Variants in CIDEB observed in about 807,000 individuals in gnomAD.
CIDEB encodes lipid transferase CIDEB.
Under a neutral mutation model 22.4 loss-of-function variants are expected in CIDEB, and 27 were observed. The observed-to-expected ratio is 1.21, with a 90% CI of 0.89 to 1.66. The LOEUF (loss-of-function observed/expected upper bound fraction) is 1.66. Among genes scored for constraint, CIDEB ranks in the 40% most tolerant of loss-of-function variants. The pLI, the probability that CIDEB is intolerant of heterozygous loss-of-function variation, is 0.00. For synonymous variants in CIDEB, 103 were observed against 109.5 expected (o/e 0.94, Z 0.37); for missense variants, 289 against 268.7 (o/e 1.08, Z -0.53).
At position 24,306,003 on chromosome 14, in the gene CIDEB, G is replaced by A. The variant is rs367645614; in HGVS notation, c.471C>T (p.Tyr157=). 3.0e-5 allele frequency: 48 copies of A among 1,614,060 alleles called. No homozygotes were observed. The African/African-American group carries it at 3.2e-4, about 11-fold the overall frequency. Residue 157 remains tyrosine (Y), a synonymous_variant, in exon 4 of 5, where the codon TAC becomes TAT. Transcript: ENST00000554411. Reference sequence around the variant, plus strand: ...AGTCACAACTCATAGAGTAGAGCCCGTAGAATGTGGCTTTGACATTCAGGC... The same window carrying A: ...AGTCACAACTCATAGAGTAGAGCCCATAGAATGTGGCTTTGACATTCAGGC... ...FGSLNVKATF[Y]GLYSMSCDFQ... is the part of the protein sequence containing the mutation.
Position 24,307,405 on chromosome 14 carries a change from AG to A in CIDEB, c.151del (p.Leu51Ter). On this transcript the variant is annotated frameshift_variant, in exon 2 of 5. Transcript: ENST00000554411. LOFTEE classifies it high-confidence loss of function. ...CDHKRTIRKG[L>X]TAATRQELLA... Reference sequence around the variant, plus strand: ...CAGCTCCTGGCGGGTGGCAGCTGTCAGGCCTTTCCGGATGGTCCGCTTGTGA... The same window carrying A: ...CAGCTCCTGGCGGGTGGCAGCTGTCAGCCTTTCCGGATGGTCCGCTTGTGA... 6.2e-7 allele frequency: 1 copy of A among 1,613,880 alleles called. No homozygotes were observed. Among genetic ancestry groups the A allele is most frequent in the South Asian group, 1.1e-5 (1 of 91,068 alleles).
At position 24,307,408 on chromosome 14, in the gene CIDEB, C is replaced by T. The variant is rs758208237; in HGVS notation, c.149G>A (p.Gly50Asp). 6.2e-7 allele frequency: 1 copy of T among 1,613,890 alleles called. No homozygotes were observed. Among genetic ancestry groups the T allele is most frequent in the East Asian group, 2.2e-5 (1 of 44,868 alleles). The change falls in exon 2 of 5, where the codon GGC becomes GAC. Residue 50 changes from glycine to aspartate, a missense_variant. Physicochemically the swap from Gly to Asp is moderately conservative, Grantham distance 94. Coordinates refer to ENST00000554411, the MANE Select transcript of CIDEB (RefSeq NM_001393339.1). ...CTCCTGGCGGGTGGCAGCTGTCAGG[C>T]CTTTCCGGATGGTCCGCTTGTGATC... ...VCDHKRTIRK[G>D]LTAATRQELL...
upstream of CIDEB, chr14:24,308,214 G>T (rs1426555532): frequency 6.4e-6 from 2 of 310,484 alleles, no homozygotes; most frequent in Non-Finnish European, 6.2e-6. Flanking sequence ...AATTTCTGGG[G>T]ACGGTTTCTG....
rs745558177 is a variant in CIDEB, at chr14:24,307,339, G to C, written c.186+32C>G. On this transcript the variant is annotated intron_variant, in intron 2 of 4. Coordinates refer to ENST00000554411, the MANE Select transcript of CIDEB (RefSeq NM_001393339.1). ...GTTGTGGAGCCCCTTGGCTACCCCT[G>C]CTATAGGAACCGAGGAACTTGGCCT... 5 of 1,598,334 alleles carry C rather than the reference G, an allele frequency of 3.1e-6. No individual in the cohort carries two copies. The South Asian group carries it at 5.6e-5, about 18-fold the overall frequency.
At chr14:24,306,348 A>C (rs779941989) in intron 3 of CIDEB, 26 bp downstream of exon 3, 2 of 1,613,978 alleles carry the variant, frequency 1.2e-6, no homozygotes, top group Non-Finnish European at 1.7e-6. Context: ...CAGGCATTGG[A>C]AGCAGCCCCA....
At chr14:24,311,314 G>C, upstream of CIDEB, 1 of 1,596,054 alleles carries the variant, frequency 6.3e-7, no homozygotes, top group Non-Finnish European at 8.5e-7. Context: ...GGCTCCGGGC[G>C]GCACGGGGCG....
At chr14:24,310,427 G>T (rs2139167862), upstream of CIDEB, 1 of 664,716 alleles carries the variant, frequency 1.5e-6, no homozygotes, top group East Asian at 2.7e-5. Flanking sequence ...TGGGAAGGAG[G>T]CCAGGAGTGG....
chr14:24,306,707 G>C (rs2041520924), intron 2 of CIDEB, 184 bp from the exon 3 acceptor site: 2 of 664,460 alleles, frequency 3.0e-6, no homozygotes, highest in Non-Finnish European at 5.1e-6. Context: ...ATCCTAGCTA[G>C]AGGCTGACCT....
chr14:24,305,394 C>T lies in CIDEB; in HGVS notation c.*239G>A. ...GGGGGACATCTTGATCTTGGCCTTT[C>T]AGGGCAAGTGGGAGGCCAGAAAGGT... On this transcript the variant is annotated 3_prime_UTR_variant, in exon 5 of 5. Coordinates refer to ENST00000554411, the MANE Select transcript of CIDEB (RefSeq NM_001393339.1). The T allele has an allele frequency of 6.8e-6, 4 of 587,456 alleles. No homozygotes were observed. Among genetic ancestry groups the T allele is most frequent in the Non-Finnish European group, 8.5e-6 (3 of 353,274 alleles). The allele number at this position is 587,456 out of a possible 1,614,324, so 36.4% of individuals were successfully genotyped here.
At chr14:24,309,709 G>T (rs913026659), upstream of CIDEB, 4 of 152,434 alleles carry the variant, frequency 2.6e-5, no homozygotes, top group African/African-American at 9.6e-5. Flanking sequence ...ACAGCCCGGT[G>T]AGAGCCCTGA....
chr14:24,310,888 C>T (rs1004288668), upstream of CIDEB: 2 of 1,592,778 alleles, frequency 1.3e-6, no homozygotes, highest in Non-Finnish European at 8.5e-7. Flanking sequence ...CTGCTGCTCA[C>T]GCCGCTCTTT....
In CIDEB at chr14:24,306,027, G is replaced by A; in HGVS notation, c.447C>T (p.Ser149=). ...YKQNPRDLFG[S]LNVKATFYGL... is the part of the protein sequence containing the mutation. ...CGTAGAATGTGGCTTTGACATTCAG[G>A]CTGCCAAAGAGGTCTCGAGGGTTTT... The change falls in exon 4 of 5, where the codon AGC becomes AGT. Residue 149 remains serine (S), a synonymous_variant. Coordinates refer to ENST00000554411, the MANE Select transcript of CIDEB (RefSeq NM_001393339.1). 3.1e-6 allele frequency: 5 copies of A among 1,614,158 alleles called. No individual in the cohort carries two copies. Among genetic ancestry groups the A allele is most frequent in the Non-Finnish European group, 4.2e-6 (5 of 1,180,024 alleles).
At position 24,305,537 on chromosome 14, in the gene CIDEB, T is replaced by C; in HGVS notation, c.*96A>G. 1 of 1,470,656 alleles carries C rather than the reference T, an allele frequency of 6.8e-7. No individual in the cohort carries two copies. The highest frequency in any genetic ancestry group is 9.1e-7 in the Non-Finnish European group (1 of 1,094,118). The allele number at this position is 1,470,656 out of a possible 1,614,324, so 91.1% of individuals were successfully genotyped here. The stretch of plus-strand genomic sequence containing the variant: ...CAGTGGGGAAATTGGGTGGGTTATC[T>C]AGCCTGTACTGTCTGCAGGTCCTGA... On this transcript the variant is annotated 3_prime_UTR_variant, in exon 5 of 5. Transcript: ENST00000554411.
At chr14:24,306,299 G>A in intron 3 of CIDEB, 75 bp downstream of exon 3, 2 of 1,593,538 alleles carry the variant, frequency 1.3e-6, no homozygotes, top group South Asian at 1.1e-5. Context: ...CCAGGATCAG[G>A]GTTAAGCTAG....
At position 24,306,008 on chromosome 14, in the gene CIDEB, ATG is replaced by A. The variant is rs774843620; in HGVS notation, c.464_465del (p.Thr155IlefsTer10). 1 of 1,614,156 alleles carries A rather than the reference ATG, an allele frequency of 6.2e-7. No homozygotes were observed. ...DLFGSLNVKATFYGLYSMSCD... is the reference protein window; with the variant it reads ...DLFGSLNVKAXFYGLYSMSCD... ...CAACTCATAGAGTAGAGCCCGTAGA[ATG>A]TGGCTTTGACATTCAGGCTGCCAAA... On this transcript the variant is annotated frameshift_variant, in exon 4 of 5. Coordinates refer to ENST00000554411, the MANE Select transcript of CIDEB (RefSeq NM_001393339.1). LOFTEE classifies it high-confidence loss of function.
chr14:24,307,903 TTC>T lies in CIDEB; in HGVS notation c.-47_-46del. 6.5e-7 allele frequency: 1 copy of T among 1,529,130 alleles called. No homozygotes were observed. The highest frequency in any genetic ancestry group is 8.9e-7 in the Non-Finnish European group (1 of 1,122,386). The allele number at this position is 1,529,130 out of a possible 1,614,324, so 94.7% of individuals were successfully genotyped here. A position where few individuals can be genotyped will look rare whatever the true frequency, so the allele number is the denominator to read the frequency against. Reference sequence around the variant, plus strand: ...TCCCTGGAACTTCTGGGCTGGGTGGTTCTCTCCTGTGCTGGGGCTTTAGTGGT... The same window carrying T: ...TCCCTGGAACTTCTGGGCTGGGTGGTTCTCCTGTGCTGGGGCTTTAGTGGT... On this transcript the variant is annotated 5_prime_UTR_variant, in exon 1 of 5. Coordinates refer to ENST00000554411, the MANE Select transcript of CIDEB (RefSeq NM_001393339.1).
At position 24,305,443 on chromosome 14, in the gene CIDEB, C is replaced by T; in HGVS notation, c.*190G>A. The T allele has an allele frequency of 1.5e-6, 1 of 676,192 alleles. No homozygotes were observed. The highest frequency in any genetic ancestry group is 3.5e-5 in the Admixed American group (1 of 28,462). 41.9% of individuals were successfully genotyped at this position (676,192 alleles called of 1,614,324 possible). A position where few individuals can be genotyped will look rare whatever the true frequency, so the allele number is the denominator to read the frequency against. Reference sequence around the variant, plus strand: ...GTGGCTAGGAAAGAACAGCATTCTTCAGGTAAGGGTATAGACTTGGGATGT... The same window carrying T: ...GTGGCTAGGAAAGAACAGCATTCTTTAGGTAAGGGTATAGACTTGGGATGT... On this transcript the variant is annotated 3_prime_UTR_variant, in exon 5 of 5. Coordinates refer to ENST00000554411, the MANE Select transcript of CIDEB (RefSeq NM_001393339.1).
chr14:24,307,819 T>C lies in CIDEB; in HGVS notation c.40A>G (p.Arg14Gly), dbSNP rs2041566786. ...GTAGAGCGGAGGGTTAGCAGTCACC[T>C]GAGTAAGTCACTGGGGTTCAGAGCT... ...LSALNPSDLL[R>G]SVSNISSEFG... The change falls in exon 1 of 5, where the codon AGG becomes GGG. Residue 14 changes from arginine to glycine, a missense_variant and splice_region_variant. Coordinates refer to ENST00000554411, the MANE Select transcript of CIDEB (RefSeq NM_001393339.1). The C allele has an allele frequency of 6.3e-7, 1 of 1,594,776 alleles. No individual in the cohort carries two copies. The highest frequency in any genetic ancestry group is 1.8e-5 in the Admixed American group (1 of 56,980).
chr14:24,309,424 AG>A (rs1175352933), upstream of CIDEB: 1 of 152,232 alleles, frequency 6.6e-6, no homozygotes, highest in Non-Finnish European at 1.5e-5. Context: ...ACTTGAGCAG[AG>A]GCCTTTCTTT....
Sources: gnomAD v4.1 joint callset for allele counts on GRCh38, gnomAD v4.1.1 for gene constraint, MANE v1.5 for transcripts, NCBI Gene and HGNC (gene_info 2026-07-23, HGNC 2026-07-21) for gene names.